The following ASB13 variants were observed in gnomAD, a reference collection of about 807,000 sequenced individuals.
The protein encoded by ASB13 is ankyrin repeat and SOCS box protein 13.
Under a neutral mutation model 28.8 loss-of-function variants are expected in ASB13, and 33 were observed. The ratio of observed to expected loss-of-function variants is 1.15; its 90% CI spans 0.87 to 1.53. ASB13 has a LOEUF of 1.53. Among genes scored for constraint, ASB13 ranks in the 40% most tolerant of loss-of-function variants. The pLI, the probability that ASB13 is intolerant of heterozygous loss-of-function variation, is 0.00. For missense variants in ASB13, 414 were observed against 390.1 expected, an observed-to-expected ratio of 1.06 and a Z score of -0.52; for synonymous variants, 182 against 172.9, an observed-to-expected ratio of 1.05 and a Z score of -0.41.
chr10:5,663,951 G>T lies in ASB13; in HGVS notation c.43+2558C>A, dbSNP rs909128628. On this transcript the variant is annotated intron_variant, in intron 1 of 5. Coordinates refer to ENST00000357700, the MANE Select transcript of ASB13 (RefSeq NM_024701.4). This position sits in a 1 kb window ranked among gnomAD's most constrained non-coding sequence, Gnocchi z 4.9. ...TGATTAAACACGGAGGATCTTCTCT[G>T]CCCCTCAGCAAAGATCTCACTCAAC... Among the ~76,000 whole-genome samples the T allele has an allele frequency of 9.9e-5, 15 of 152,152 alleles. No individual in the cohort carries two copies. The highest frequency in any genetic ancestry group is 2.9e-4 in the African/African-American group (12 of 41,434).
Position 5,664,616 on chromosome 10 carries a change from T to G in ASB13, c.43+1893A>C, listed in dbSNP as rs139156623. 5.7e-3 allele frequency among the ~76,000 whole-genome samples: 867 copies of G among 152,312 alleles called. 7 individuals are homozygous for G. The highest frequency in any genetic ancestry group is 0.011 in the South Asian group (53 of 4,824). ...GGGAGTGGGGGAGCAGCCAGTAGGT[T>G]AGAGGTTCATCTACCACAGAAGGAC... On this transcript the variant is annotated intron_variant, in intron 1 of 5. Coordinates refer to ENST00000357700, the MANE Select transcript of ASB13 (RefSeq NM_024701.4). The surrounding 1 kb of genome is among the most constrained non-coding windows in gnomAD (Gnocchi z 4.2).
At position 5,644,120 on chromosome 10, in the gene ASB13, A is replaced by G. The variant is rs539594378; in HGVS notation, c.518-2159T>C. ...CCAGGCCAGGGGTGCAGGCAGCTACATGGATGGATCCTGAAAGTATAGCAC... is the reference window on the plus strand; with the variant it reads ...CCAGGCCAGGGGTGCAGGCAGCTACGTGGATGGATCCTGAAAGTATAGCAC... On this transcript the variant is annotated intron_variant, in intron 4 of 5. Transcript: ENST00000357700. This position sits in a 1 kb window ranked among gnomAD's most constrained non-coding sequence, Gnocchi z 5.1. Among the ~76,000 whole-genome samples the G allele has an allele frequency of 1.2e-4, 18 of 152,372 alleles. No homozygotes were observed. The South Asian group carries it at 2.7e-3, about 23-fold the overall frequency.
chr10:5,659,485 AACTCTACCG>A lies in ASB13; in HGVS notation c.44-6444_44-6436del, dbSNP rs1248180303. Among the ~76,000 whole-genome samples, 1 of 152,088 alleles carries A rather than the reference AACTCTACCG, an allele frequency of 6.6e-6. No homozygotes were observed. Among genetic ancestry groups the A allele is most frequent in the East Asian group, 1.9e-4 (1 of 5,182 alleles). On this transcript the variant is annotated intron_variant, in intron 1 of 5. Coordinates refer to ENST00000357700, the MANE Select transcript of ASB13 (RefSeq NM_024701.4). This position sits in a 1 kb window ranked among gnomAD's most constrained non-coding sequence, Gnocchi z 5.8. ...CACACAGCCGTGTCCAGTGACACCAAACTCTACCGACTCACACAGAGTCCAGTGGCTGCA... is the reference window on the plus strand; with the variant it reads ...CACACAGCCGTGTCCAGTGACACCAAACTCACACAGAGTCCAGTGGCTGCA...
In ASB13 at chr10:5,652,837, G is replaced by C. The variant is rs781436389; in HGVS notation, c.231+26C>G. On this transcript the variant is annotated intron_variant, in intron 2 of 5. Transcript: ENST00000357700. The surrounding 1 kb of genome is among the most constrained non-coding windows in gnomAD (Gnocchi z 5.0). ...CATTCTGGCAGCTGCAGCCAGTCTGGGGGTCTGCCCTGAAGGGCCACTCAC... is the reference window on the plus strand; with the variant it reads ...CATTCTGGCAGCTGCAGCCAGTCTGCGGGTCTGCCCTGAAGGGCCACTCAC... 2.7e-6 allele frequency: 4 copies of C among 1,498,020 alleles called. No individual in the cohort carries two copies. The East Asian group carries it at 9.7e-5, about 36-fold the overall frequency. 92.8% of individuals were successfully genotyped at this position (1,498,020 alleles called of 1,614,324 possible). A position where few individuals can be genotyped will look rare whatever the true frequency, so the allele number is the denominator to read the frequency against.
Position 5,664,680 on chromosome 10 carries a change from A to AT in ASB13, c.43+1828dup. ...GCAGAATTTCTTTATTTCTTTATTT[A>AT]TTTATTTTATTTATTTTTGAGACGG... On this transcript the variant is annotated intron_variant, in intron 1 of 5. Transcript: ENST00000357700. This position sits in a 1 kb window ranked among gnomAD's most constrained non-coding sequence, Gnocchi z 4.2. 6.6e-6 allele frequency among the ~76,000 whole-genome samples: 1 copy of AT among 152,086 alleles called. No homozygotes were observed. Among genetic ancestry groups the AT allele is most frequent in the East Asian group, 1.9e-4 (1 of 5,162 alleles).
In ASB13 at chr10:5,649,097, G is replaced by A. The variant is rs34459416; in HGVS notation, c.390C>T (p.Ser130=). The A allele has an allele frequency of 7.2e-4, 1,162 of 1,614,150 alleles. 14 individuals carry two copies. The African/African-American group carries it at 0.013, about 18-fold the overall frequency. ...PLHEACMSGS[S]ECVRLLIDVG... is the part of the protein sequence containing the mutation. ...CGTCAATAAGAAGCCTCACACATTC[G>A]GAACTCCCTTAAGATAAATGGAAAA... The change falls in exon 4 of 6, where the codon TCC becomes TCT. Residue 130 remains serine (S), a synonymous_variant. Coordinates refer to ENST00000357700, the MANE Select transcript of ASB13 (RefSeq NM_024701.4). The surrounding 1 kb of genome is among the most constrained non-coding windows in gnomAD (Gnocchi z 6.4).
rs759157435 is a variant in ASB13 at position 5,641,982 on chromosome 10, A to T, written c.518-21T>A. The T allele has an allele frequency of 9.4e-6, 15 of 1,589,316 alleles. No homozygotes were observed. The highest frequency in any genetic ancestry group is 1.2e-5 in the Non-Finnish European group (14 of 1,159,594). Reference sequence around the variant, plus strand: ...GGCCCCTGGAGGTCAAGAGTGCAGAAGAGATTTCACCAAGAAGAGAACTTG... The same window carrying T: ...GGCCCCTGGAGGTCAAGAGTGCAGATGAGATTTCACCAAGAAGAGAACTTG... On this transcript the variant is annotated intron_variant, in intron 4 of 5. Transcript: ENST00000357700. The surrounding 1 kb of genome is among the most constrained non-coding windows in gnomAD (Gnocchi z 8.4).
At chr10:5,657,170 G>A (rs1034821501) in intron 1 of ASB13, among the ~76,000 whole-genome samples, 2 of 152,088 alleles carry the variant, frequency 1.3e-5, no homozygotes, top group South Asian at 4.1e-4. Flanking sequence ...GCAAAAATTA[G>A]CAGCAGACAT....
In ASB13 at chr10:5,664,790, C is replaced by T. The variant is rs1396427657; in HGVS notation, c.43+1719G>A. ...CTGCCTATCAGGTTCAAGTGATTCT[C>T]CTGCCTCAGCCTCCCCAGTAGCTGA... On this transcript the variant is annotated intron_variant, in intron 1 of 5. Coordinates refer to ENST00000357700, the MANE Select transcript of ASB13 (RefSeq NM_024701.4). This position sits in a 1 kb window ranked among gnomAD's most constrained non-coding sequence, Gnocchi z 4.2. 6.6e-6 allele frequency among the ~76,000 whole-genome samples: 1 copy of T among 152,006 alleles called. No homozygotes were observed. Among genetic ancestry groups the T allele is most frequent in the East Asian group, 1.9e-4 (1 of 5,194 alleles).
rs1835212900 is a variant in ASB13 at position 5,663,892 on chromosome 10, G to C, written c.43+2617C>G. Among the ~76,000 whole-genome samples, 1 of 152,116 alleles carries C rather than the reference G, an allele frequency of 6.6e-6. No homozygotes were observed. On this transcript the variant is annotated intron_variant, in intron 1 of 5. Coordinates refer to ENST00000357700, the MANE Select transcript of ASB13 (RefSeq NM_024701.4). The surrounding 1 kb of genome is among the most constrained non-coding windows in gnomAD (Gnocchi z 4.9). ...AGTGGATTCTCCCTCTCCCCGCTCT[G>C]ACACTGAAATCAAGAGCGATAGAGC...
intron 5 of ASB13, among the ~76,000 whole-genome samples, 158 bp from the exon 6 acceptor site, chr10:5,640,988 G>A (rs1228268572): frequency 6.6e-6 from 1 of 152,174 alleles, no homozygotes; most frequent in Non-Finnish European, 1.5e-5. Context: ...CCAGGAACCC[G>A]AGGAAGGGAG....
chr10:5,647,261 CCTAAACAGTT>C (rs1319447849), intron 4 of ASB13, among the ~76,000 whole-genome samples: 2 of 152,158 alleles, frequency 1.3e-5, no homozygotes, highest in Non-Finnish European at 2.9e-5. Context: ...GCCCAGCCAT[CCTAAACAGTT>C]TTGTTTTTAT....
At chr10:5,654,514 A>C (rs1294360022) in intron 1 of ASB13, among the ~76,000 whole-genome samples, 1 of 152,238 alleles carries the variant, frequency 6.6e-6, no homozygotes, top group African/African-American at 2.4e-5. Context: ...TGCAGACAAA[A>C]GCTCGCTAAC....
chr10:5,663,865 C>G lies in ASB13; in HGVS notation c.43+2644G>C, dbSNP rs1835212288. ...TTTAGAAATGCCCTGGACTGCTACC[C>G]TAGTGGATTCTCCCTCTCCCCGCTC... On this transcript the variant is annotated intron_variant, in intron 1 of 5. Coordinates refer to ENST00000357700, the MANE Select transcript of ASB13 (RefSeq NM_024701.4). The surrounding 1 kb of genome is among the most constrained non-coding windows in gnomAD (Gnocchi z 4.9). Among the ~76,000 whole-genome samples the G allele has an allele frequency of 6.6e-6, 1 of 152,146 alleles. No individual in the cohort carries two copies. The highest frequency in any genetic ancestry group is 2.1e-4 in the South Asian group (1 of 4,830).
chr10:5,666,102 C>G (rs2131462295), intron 1 of ASB13, among the ~76,000 whole-genome samples: 2 of 152,326 alleles, frequency 1.3e-5, no homozygotes, highest in South Asian at 2.1e-4. Context: ...GGGGGTTTAG[C>G]TCTTACCGTG....
Position 5,651,653 on chromosome 10 carries a change from C to T in ASB13, c.232-290G>A. Reference sequence around the variant, plus strand: ...AACACCTAGTAAGCACAGAGCAGGACAGGGGAACCCTAGGCTGCAAGCTGG... The same window carrying T: ...AACACCTAGTAAGCACAGAGCAGGATAGGGGAACCCTAGGCTGCAAGCTGG... On this transcript the variant is annotated intron_variant, in intron 2 of 5. Coordinates refer to ENST00000357700, the MANE Select transcript of ASB13 (RefSeq NM_024701.4). The surrounding 1 kb of genome is among the most constrained non-coding windows in gnomAD (Gnocchi z 5.1). 1 of 299,888 alleles carries T rather than the reference C, an allele frequency of 3.3e-6. No individual in the cohort carries two copies. Among genetic ancestry groups the T allele is most frequent in the Non-Finnish European group, 6.2e-6 (1 of 162,258 alleles). The allele number at this position is 299,888 out of a possible 1,614,324, so 18.6% of individuals were successfully genotyped here.
At position 5,640,045 on chromosome 10, in the gene ASB13, G is replaced by A. The variant is rs532496406; in HGVS notation, c.*658C>T. ...TAAGAAACTCAGTGCTACTTGTGGG[G>A]AATACAAAGCCAGGGCCTTCCCCCA... On this transcript the variant is annotated 3_prime_UTR_variant, in exon 6 of 6. Transcript: ENST00000357700. The A allele has an allele frequency of 2.0e-5, 3 of 152,820 alleles. No homozygotes were observed. The East Asian group carries it at 5.8e-4, about 29-fold the overall frequency. The allele number at this position is 152,820 out of a possible 1,614,324, so 9.5% of individuals were successfully genotyped here.
rs1834955888 is a variant in ASB13, at chr10:5,649,751, C to G, written c.383-647G>C. Among the ~76,000 whole-genome samples, 1 of 152,092 alleles carries G rather than the reference C, an allele frequency of 6.6e-6. No homozygotes were observed. The highest frequency in any genetic ancestry group is 1.5e-5 in the Non-Finnish European group (1 of 67,990). On this transcript the variant is annotated intron_variant, in intron 3 of 5. Coordinates refer to ENST00000357700, the MANE Select transcript of ASB13 (RefSeq NM_024701.4). This position sits in a 1 kb window ranked among gnomAD's most constrained non-coding sequence, Gnocchi z 6.4. ...CCATGTGCCAGGCTGGTCTCAAACT[C>G]CTGACCTCAGGTGATCCGCCCACCT...
In ASB13 at chr10:5,651,106, G is replaced by C. The variant is rs1005525572; in HGVS notation, c.382+107C>G. 2.9e-6 allele frequency: 4 copies of C among 1,384,946 alleles called. No homozygotes were observed. The highest frequency in any genetic ancestry group is 2.9e-5 in the African/African-American group (2 of 68,136). 85.8% of individuals were successfully genotyped at this position (1,384,946 alleles called of 1,614,324 possible). A position where few individuals can be genotyped will look rare whatever the true frequency, so the allele number is the denominator to read the frequency against. ...TCAGAACTCTCCTTCACCAGCCAAG[G>C]GCTCCCAATTCTGTCTACTCTGCTT... On this transcript the variant is annotated intron_variant, in intron 3 of 5. Coordinates refer to ENST00000357700, the MANE Select transcript of ASB13 (RefSeq NM_024701.4). The surrounding 1 kb of genome is among the most constrained non-coding windows in gnomAD (Gnocchi z 5.1).
Sources: allele counts gnomAD v4.1 joint callset (sites outside exome capture counted in the v4.1 genomes callset), GRCh38; gene constraint gnomAD v4.1.1; non-coding constraint Gnocchi (gnomAD v3.1); transcripts MANE v1.5; gene names NCBI Gene and HGNC (gene_info 2026-07-23, HGNC 2026-07-21).